APOA5: variants seen among roughly 807,000 people sequenced by gnomAD.
The protein encoded by APOA5 is apolipoprotein A5, also known as apolipoprotein A-V.
APOA5 carries 26 observed loss-of-function variants against 31.8 expected under a neutral mutation model. That is an observed-to-expected ratio of 0.82 (90% CI 0.60 to 1.13). APOA5 has a LOEUF of 1.13. Ranked by LOEUF, APOA5 falls within the 50% of genes most tolerant of loss-of-function variation. APOA5 has a pLI of 0.00. For synonymous variants in APOA5, 186 were observed against 198.5 expected (o/e 0.94, Z 0.53); for missense variants, 450 against 488.0 (o/e 0.92, Z 0.73).
At chr11:116,792,348 G>T, upstream of APOA5, 1 of 234,434 alleles carries the variant, frequency 4.3e-6, no homozygotes, top group Non-Finnish European at 8.6e-6. Flanking sequence ...CCTTAGGACT[G>T]TGACCCCCAT....
In APOA5 at chr11:116,789,927, T is replaced by C; in HGVS notation, c.*201A>G. 1.6e-6 allele frequency: 1 copy of C among 626,260 alleles called. No homozygotes were observed. The highest frequency in any genetic ancestry group is 2.8e-6 in the Non-Finnish European group (1 of 353,716). The allele number at this position is 626,260 out of a possible 1,614,324, so 38.8% of individuals were successfully genotyped here. On this transcript the variant is annotated 3_prime_UTR_variant, in exon 3 of 3. Transcript: ENST00000227665. ...GGGAGGCTGGGTTTGCAAAGCCTGG[T>C]GAATGTAATGCATCCAGATTGGGGA...
chr11:116,791,520 C>T (rs1941011153), intron 2 of APOA5, 66 bp downstream of exon 2: 2 of 1,451,568 alleles, frequency 1.4e-6, no homozygotes, highest in Admixed American at 2.0e-5. Context: ...GCAGCAGAGG[C>T]AGGTCATCAT....
In APOA5 at chr11:116,791,104, C is replaced by T. The variant is rs1322545310; in HGVS notation, c.162-37G>A. ...GACAGATATCCAGGCCGTCAGACTG[C>T]TAGCCTCCATCATCTCCTTTGTCCC... is the stretch of plus-strand genomic sequence containing the variant. On this transcript the variant is annotated intron_variant, in intron 2 of 2. Coordinates refer to ENST00000227665, the MANE Select transcript of APOA5 (RefSeq NM_001371904.1). 2.0e-6 allele frequency: 3 copies of T among 1,538,382 alleles called. No individual in the cohort carries two copies. The East Asian group carries it at 6.9e-5, about 35-fold the overall frequency.
Position 116,790,676 on chromosome 11 carries a change from C to T in APOA5, c.553G>A (p.Gly185Ser), listed in dbSNP as rs2075291. Residue 185 changes from glycine (G) to serine (S), a missense_variant, in exon 3 of 3, where the codon GGC becomes AGC. Coordinates refer to ENST00000227665, the MANE Select transcript of APOA5 (RefSeq NM_001371904.1). ...GLQSRVVHHTGRFKELFHPYA... is the reference protein window; with the variant it reads ...GLQSRVVHHTSRFKELFHPYA... ...GGGTGGAAGAGCTCTTTGAAGCGGC[C>T]GGTGTGGTGCACCACGCGGCTCTGC... The T allele has an allele frequency of 3.1e-6, 5 of 1,612,452 alleles. No homozygotes were observed. The highest frequency in any genetic ancestry group is 1.3e-5 in the African/African-American group (1 of 74,930).
intron 2 of APOA5, 193 bp downstream of exon 2, chr11:116,791,393 G>A (rs902317455): frequency 1.8e-5 from 13 of 731,438 alleles, no homozygotes; most frequent in Non-Finnish European, 2.6e-5. Context: ...CAGCTACGGA[G>A]TTGTCAAGGC....
At position 116,791,494 on chromosome 11, in the gene APOA5, G is replaced by A. The variant is rs776203706; in HGVS notation, c.161+92C>T. On this transcript the variant is annotated intron_variant, in intron 2 of 2. Transcript: ENST00000227665. Reference sequence around the variant, plus strand: ...CGCTCCTTTCCTCTGTCCCAGCAGCGGCCACAGAGGTTGAGGCAGCAGAGG... The same window carrying A: ...CGCTCCTTTCCTCTGTCCCAGCAGCAGCCACAGAGGTTGAGGCAGCAGAGG... 12 of 1,268,174 alleles carry A rather than the reference G, an allele frequency of 9.5e-6. 1 individual carries two copies. The South Asian group carries it at 1.4e-4, about 15-fold the overall frequency. 78.6% of individuals were successfully genotyped at this position (1,268,174 alleles called of 1,614,324 possible).
At chr11:116,791,522 G>T in intron 2 of APOA5, 64 bp downstream of exon 2, 1 of 1,466,620 alleles carries the variant, frequency 6.8e-7, no homozygotes, top group Non-Finnish European at 9.3e-7. Context: ...AGCAGAGGCA[G>T]GTCATCATGG....
At chr11:116,791,888 G>A (rs1234516907), upstream of APOA5, 1 of 1,613,724 alleles carries the variant, frequency 6.2e-7, no homozygotes, top group East Asian at 2.2e-5. Flanking sequence ...CAGGTGGAGG[G>A]AGGCCTGGTT....
chr11:116,790,169 T>C lies in APOA5; in HGVS notation c.1060A>G (p.Ser354Gly). The C allele has an allele frequency of 1.9e-6, 3 of 1,614,216 alleles. No individual in the cohort carries two copies. Among genetic ancestry groups the C allele is most frequent in the East Asian group, 2.2e-5 (1 of 44,878 alleles). ...LDDLWEDITHSLHDQGHSHLG... is the reference protein window; with the variant it reads ...LDDLWEDITHGLHDQGHSHLG... ...TGGCTGTGGCCCTGGTCATGAAGGC[T>C]GTGAGTGATGTCTTCCCACAGGTCA... Residue 354 changes from serine (S) to glycine (G), a missense_variant, in exon 3 of 3, where the codon AGC (serine) becomes GGC (glycine). By Grantham distance (56) the Ser-to-Gly change is moderately conservative. Transcript: ENST00000227665.
At chr11:116,792,296 G>A (rs1941027113), upstream of APOA5, 4 of 297,272 alleles carry the variant, frequency 1.3e-5, no homozygotes, top group African/African-American at 6.5e-5. Context: ...ACGTCTTAGG[G>A]GCCACCCCAG....
chr11:116,791,943 A>AG, upstream of APOA5: 4 of 1,509,116 alleles, frequency 2.7e-6, no homozygotes, highest in Middle Eastern at 1.8e-4. Context: ...GGACTTGCCC[A>AG]GGGGGCCTCT....
rs1271898776 is a variant in APOA5 at position 116,790,673 on chromosome 11, G to C, written c.556C>G (p.Arg186Gly). The C allele has an allele frequency of 6.2e-7, 1 of 1,612,486 alleles. No individual in the cohort carries two copies. Among genetic ancestry groups the C allele is most frequent in the Non-Finnish European group, 8.5e-7 (1 of 1,179,846 alleles). ...LQSRVVHHTG[R>G]FKELFHPYAE... ...TATGGGTGGAAGAGCTCTTTGAAGC[G>C]GCCGGTGTGGTGCACCACGCGGCTC... The change falls in exon 3 of 3, where the codon CGC (arginine) becomes GGC (glycine). Residue 186 changes from arginine to glycine, a missense_variant. Arg to Gly is a moderately radical substitution (Grantham distance 125). Coordinates refer to ENST00000227665, the MANE Select transcript of APOA5 (RefSeq NM_001371904.1).
chr11:116,791,601 A>G lies in APOA5; in HGVS notation c.146T>C (p.Met49Thr). 2 of 1,604,292 alleles carry G rather than the reference A, an allele frequency of 1.2e-6. No individual in the cohort carries two copies. The highest frequency in any genetic ancestry group is 1.7e-6 in the Non-Finnish European group (2 of 1,175,698). The change falls in exon 2 of 3, where the codon ATG becomes ACG. Residue 49 changes from methionine to threonine, a missense_variant. By Grantham distance (81) the Met-to-Thr change is moderately conservative. Coordinates refer to ENST00000227665, the MANE Select transcript of APOA5 (RefSeq NM_001371904.1). ...GGGCACTCACGCGGGCTCGCGAGCC[A>G]TCTTCTGCTGATGGATCTGCTCCAC... is the stretch of plus-strand genomic sequence containing the variant. ...GRVEQIHQQKMAREPATLKDS... is the reference protein window; with the variant it reads ...GRVEQIHQQKTAREPATLKDS...
In APOA5 at chr11:116,790,658, A is replaced by T. The variant is rs1338032715; in HGVS notation, c.571T>A (p.Phe191Ile). ...ACCAGGCTCTCGGCGTATGGGTGGA[A>T]GAGCTCTTTGAAGCGGCCGGTGTGG... is the stretch of plus-strand genomic sequence containing the variant. ...VHHTGRFKEL[F>I]HPYAESLVSG... Residue 191 changes from phenylalanine to isoleucine, a missense_variant, in exon 3 of 3, where the codon TTC becomes ATC. Phe to Ile is a conservative substitution (Grantham distance 21, BLOSUM62 0). Coordinates refer to ENST00000227665, the MANE Select transcript of APOA5 (RefSeq NM_001371904.1). 23 of 1,612,150 alleles carry T rather than the reference A, an allele frequency of 1.4e-5. No homozygotes were observed. Among genetic ancestry groups the T allele is most frequent in the Non-Finnish European group, 1.9e-5 (23 of 1,179,856 alleles).
In APOA5 at chr11:116,790,733, C is replaced by T. The variant is rs1361012634; in HGVS notation, c.496G>A (p.Val166Met). Residue 166 changes from valine (V) to methionine (M), a missense_variant, in exon 3 of 3, where the codon GTG becomes ATG. Physicochemically the swap from Val to Met is conservative, Grantham distance 21 (BLOSUM62 1). Transcript: ENST00000227665. Reference sequence around the variant, plus strand: ...TGCAGCAAAGCCCAAGCCTCGTCCACGCCCCCCAGCAACTGGGCCTTGGTG... The same window carrying T: ...TGCAGCAAAGCCCAAGCCTCGTCCATGCCCCCCAGCAACTGGGCCTTGGTG... The part of the protein sequence containing the change: ...EDTKAQLLGG[V>M]DEAWALLQGL... 1.2e-6 allele frequency: 2 copies of T among 1,613,054 alleles called. No homozygotes were observed. Among genetic ancestry groups the T allele is most frequent in the South Asian group, 1.1e-5 (1 of 91,082 alleles).
At position 116,790,637 on chromosome 11, in the gene APOA5, GGCTCTCGGCGTATGGGTGGAAGA is replaced by G; in HGVS notation, c.569_591del (p.Leu190ProfsTer70). 6.2e-7 allele frequency: 1 copy of G among 1,611,328 alleles called. No individual in the cohort carries two copies. The highest frequency in any genetic ancestry group is 8.5e-7 in the Non-Finnish European group (1 of 1,179,842). On this transcript the variant is annotated frameshift_variant, in exon 3 of 3. Coordinates refer to ENST00000227665, the MANE Select transcript of APOA5 (RefSeq NM_001371904.1). LOFTEE classifies it high-confidence loss of function. ...ACGTGGCGCCCGATGCCGCTCACCA[GGCTCTCGGCGTATGGGTGGAAGA>G]GCTCTTTGAAGCGGCCGGTGTGGTG...
chr11:116,791,595 C>G lies in APOA5; in HGVS notation c.152G>C (p.Arg51Pro). 1 of 1,600,466 alleles carries G rather than the reference C, an allele frequency of 6.2e-7. No homozygotes were observed. The change falls in exon 2 of 3, where the codon CGC (arginine) becomes CCC (proline). Residue 51 changes from arginine to proline, a missense_variant. Arg to Pro is a moderately radical substitution (Grantham distance 103). Transcript: ENST00000227665. ...VEQIHQQKMA[R>P]EPATLKDSLE... ...TCCCCTGGGCACTCACGCGGGCTCGCGAGCCATCTTCTGCTGATGGATCTG... is the reference window on the plus strand; with the variant it reads ...TCCCCTGGGCACTCACGCGGGCTCGGGAGCCATCTTCTGCTGATGGATCTG...
At position 116,791,771 on chromosome 11, in the gene APOA5, C is replaced by G. The variant is rs573160808; in HGVS notation, c.49+41G>C. 2.8e-5 allele frequency: 45 copies of G among 1,614,112 alleles called. No individual in the cohort carries two copies. In the African/African-American group the frequency reaches 5.7e-4, roughly 21 times the overall value. ...GTGGACAGGGCCCTCTGGCCAGCCT[C>G]CACCCACACCCCCACGTTGAAGTCA... On this transcript the variant is annotated intron_variant, in intron 1 of 2. Transcript: ENST00000227665.
chr11:116,791,965 T>G (rs1328073867), upstream of APOA5: 2 of 1,286,758 alleles, frequency 1.6e-6, no homozygotes, highest in African/African-American at 2.9e-5. Context: ...CAGGGGCAAC[T>G]GCCCGAAATC....
Sources: allele counts gnomAD v4.1 joint callset, GRCh38; gene constraint gnomAD v4.1.1; transcripts MANE v1.5; gene names NCBI Gene and HGNC (gene_info 2026-07-23, HGNC 2026-07-21).